TNS1: variants seen among roughly 807,000 people sequenced by gnomAD.
The protein encoded by TNS1 is tensin 1, also known as tensin-1.
In TNS1, 62 loss-of-function variants were observed where a neutral mutation model predicts 168.6. The observed-to-expected ratio is 0.37, with a 90% CI of 0.30 to 0.45. The LOEUF (loss-of-function observed/expected upper bound fraction) is 0.45. Among genes scored for constraint, TNS1 ranks in the 20% least tolerant of loss-of-function variants. The probability of loss-of-function intolerance (pLI) is 1.00; values close to 1 mark genes in which losing one functional copy is unlikely to be tolerated. For missense variants in TNS1, 2,240 were observed against 2,339.4 expected (o/e 0.96, Z 0.88); for synonymous variants, 934 against 933.2 (o/e 1.00, Z -0.02).
At chr2:217,978,300 C>T (rs1156362736) in intron 3 of TNS1, among the ~76,000 whole-genome samples, 2 of 152,204 alleles carry the variant, frequency 1.3e-5, no homozygotes, top group Admixed American at 6.5e-5. Flanking sequence ...CTCCATTTAT[C>T]CCACCCACCC....
At position 217,856,227 on chromosome 2, in the gene TNS1, A is replaced by T. The variant is rs183954711; in HGVS notation, c.1430-7140T>A. Among the ~76,000 whole-genome samples, 3 of 152,310 alleles carry T rather than the reference A, an allele frequency of 2.0e-5. No individual in the cohort carries two copies. In the East Asian group the frequency reaches 5.8e-4, roughly 29 times the overall value. On this transcript the variant is annotated intron_variant, in intron 18 of 32. Transcript: ENST00000682258. Reference sequence around the variant, plus strand: ...GCTTTGCGGCTGCGGGAGCCTAAGAAGTGGCTCAGGGTGCTCCACTGGGTT... The same window carrying T: ...GCTTTGCGGCTGCGGGAGCCTAAGATGTGGCTCAGGGTGCTCCACTGGGTT...
chr2:217,852,093 C>T (rs1268943209), intron 18 of TNS1, among the ~76,000 whole-genome samples: 1 of 152,106 alleles, frequency 6.6e-6, no homozygotes, highest in African/African-American at 2.4e-5. Context: ...TGCAGTGAGC[C>T]GAGATCGCAC....
chr2:217,937,100 G>C, intron 3 of TNS1: 3 of 446,054 alleles, frequency 6.7e-6, no homozygotes, highest in South Asian at 4.7e-5. Flanking sequence ...CTTCTCCAAA[G>C]CTTCCTCCGC....
At chr2:217,999,987 G>A (rs1463368750) in intron 1 of TNS1, among the ~76,000 whole-genome samples, 1 of 152,156 alleles carries the variant, frequency 6.6e-6, no homozygotes, top group East Asian at 1.9e-4. Flanking sequence ...CCCCTTCCCA[G>A]TTCCTGAGGA....
chr2:217,957,717 T>C (rs1957399741), intron 3 of TNS1, among the ~76,000 whole-genome samples: 1 of 151,898 alleles, frequency 6.6e-6, no homozygotes, highest in Admixed American at 6.6e-5. Context: ...ATTAATGATG[T>C]TAACTGTGAT....
intron 17 of TNS1, 133 bp downstream of exon 17, chr2:217,882,213 A>G (rs1456865473): frequency 4.7e-6 from 3 of 644,362 alleles, no homozygotes; most frequent in Non-Finnish European, 8.2e-6. Flanking sequence ...TCTGAAACCC[A>G]GATCCTTTAC....
At chr2:217,895,237 A>T (rs375466052) in intron 8 of TNS1, among the ~76,000 whole-genome samples, 181 bp from the exon 9 acceptor site, 3 of 152,342 alleles carry the variant, frequency 2.0e-5, no homozygotes, top group African/African-American at 7.2e-5. Flanking sequence ...GGGCCTGGCC[A>T]CGGAACAGCC....
chr2:217,918,106 CTGAGCTTTT>C (rs1168017227), intron 4 of TNS1, among the ~76,000 whole-genome samples: 4 of 152,174 alleles, frequency 2.6e-5, no homozygotes, highest in Non-Finnish European at 5.9e-5. Context: ...ACGGAAGAAC[CTGAGCTTTT>C]GCTCCAGTGA....
intron 1 of TNS1, among the ~76,000 whole-genome samples, chr2:218,029,224 G>A (rs531907316): frequency 2.2e-4 from 15 of 67,230 alleles, no homozygotes; most frequent in East Asian, 7.5e-4. Flanking sequence ...GCACAAGGCC[G>A]GGGGGCAAGT....
chr2:217,938,249 C>T (rs1231820763), intron 3 of TNS1, among the ~76,000 whole-genome samples: 1 of 152,228 alleles, frequency 6.6e-6, no homozygotes. Context: ...CAACCCCAGC[C>T]TCCCTGGGTG....
In TNS1 at chr2:217,801,291, A is replaced by G. The variant is rs1403543433; in HGVS notation, c.*3168T>C. ...CCCCTCTCCATTGTTTTCTCGCCCAATCCTTCCCTCTTGCTCCCTTTGGGA... is the reference window on the plus strand; with the variant it reads ...CCCCTCTCCATTGTTTTCTCGCCCAGTCCTTCCCTCTTGCTCCCTTTGGGA... On this transcript the variant is annotated 3_prime_UTR_variant, in exon 33 of 33. Coordinates refer to ENST00000682258, the MANE Select transcript of TNS1 (RefSeq NM_001387777.1). The G allele has an allele frequency of 6.6e-6, 1 of 152,052 alleles. No homozygotes were observed. Among genetic ancestry groups the G allele is most frequent in the Non-Finnish European group, 1.5e-5 (1 of 68,056 alleles). The allele number at this position is 152,052 out of a possible 1,614,324, so 9.4% of individuals were successfully genotyped here. A position where few individuals can be genotyped will look rare whatever the true frequency, so the allele number is the denominator to read the frequency against.
intron 3 of TNS1, among the ~76,000 whole-genome samples, chr2:217,972,599 A>G (rs144985231): frequency 1.0e-3 from 153 of 152,336 alleles, no homozygotes; most frequent in African/African-American, 3.4e-3. Context: ...GACTGGAAAG[A>G]GGTAACAGAG....
intron 3 of TNS1, among the ~76,000 whole-genome samples, chr2:217,946,963 T>A (rs868646206): frequency 0.2 from 25,980 of 129,596 alleles, 3,826 homozygotes; most frequent in African/African-American, 0.51. Flanking sequence ...TCTCTCTCTC[T>A]CTCTCTCACA....
chr2:218,019,832 C>A (rs1958792185), intron 1 of TNS1, among the ~76,000 whole-genome samples: 1 of 152,140 alleles, frequency 6.6e-6, no homozygotes, highest in Admixed American at 6.5e-5. Context: ...TGCCCTCCCA[C>A]CCTCCTGCTG....
At chr2:217,885,232 CT>C in intron 15 of TNS1, 68 bp from the exon 16 acceptor site, 2 of 1,601,422 alleles carry the variant, frequency 1.2e-6, no homozygotes, top group Non-Finnish European at 1.7e-6. Flanking sequence ...AGGGAGCCTC[CT>C]TATCAGCTCC....
intron 18 of TNS1, among the ~76,000 whole-genome samples, chr2:217,855,753 T>C (rs1948059637): frequency 1.3e-5 from 2 of 152,142 alleles, no homozygotes; most frequent in South Asian, 2.1e-4. Flanking sequence ...AAGCTTTATG[T>C]AGTTCTGTCA....
intron 6 of TNS1, chr2:217,905,588 C>T (rs1953572447): frequency 3.9e-6 from 1 of 255,660 alleles, no homozygotes; most frequent in Non-Finnish European, 8.0e-6. Context: ...ACCAAAACCA[C>T]TCCCTGTTCC....
rs557341603 is a variant in TNS1 at position 217,950,666 on chromosome 2, A to C, written c.186+28099T>G. On this transcript the variant is annotated intron_variant, in intron 3 of 32. Coordinates refer to ENST00000682258, the MANE Select transcript of TNS1 (RefSeq NM_001387777.1). ...AGCCCTATGGAGACCGATCCTAGCCAGGCATCCTCGCCCAAAGCCCAGAGC... is the reference window on the plus strand; with the variant it reads ...AGCCCTATGGAGACCGATCCTAGCCCGGCATCCTCGCCCAAAGCCCAGAGC... 3.5e-4 allele frequency among the ~76,000 whole-genome samples: 52 copies of C among 150,264 alleles called. No homozygotes were observed. The South Asian group carries it at 0.011, about 31-fold the overall frequency.
Position 217,848,505 on chromosome 2 carries a change from T to C in TNS1, c.2012A>G (p.Lys671Arg). 3 of 1,613,490 alleles carry C rather than the reference T, an allele frequency of 1.9e-6. No homozygotes were observed. The highest frequency in any genetic ancestry group is 2.2e-5 in the East Asian group (1 of 44,852). ...ALSPLTNGLD[K>R]SYPMEPMVNG... ...GACCATAGGCTCCATGGGGTAGGACTTGTCCAGACCGTTGGTCAGTGGGGA... is the reference window on the plus strand; with the variant it reads ...GACCATAGGCTCCATGGGGTAGGACCTGTCCAGACCGTTGGTCAGTGGGGA... Residue 671 changes from lysine (K) to arginine (R), a missense_variant, in exon 19 of 33, where the codon AAG becomes AGG. By Grantham distance (26) the Lys-to-Arg change is conservative. This residue lies in a region of TNS1 where 2,131 missense variants were observed against 2,171.2 expected (regional missense o/e 0.98). Coordinates refer to ENST00000682258, the MANE Select transcript of TNS1 (RefSeq NM_001387777.1).
Sources: allele counts gnomAD v4.1 joint callset (sites outside exome capture counted in the v4.1 genomes callset), GRCh38; gene constraint gnomAD v4.1.1; regional missense constraint gnomAD v4.1.1; transcripts MANE v1.5; gene names NCBI Gene and HGNC (gene_info 2026-07-23, HGNC 2026-07-21).